Variants in TENM1 observed in about 807,000 individuals in gnomAD.
TENM1 encodes teneurin-1.
In TENM1, 35 loss-of-function variants were observed where a neutral mutation model predicts 174.8. The ratio of observed to expected loss-of-function variants is 0.20; its 90% CI spans 0.15 to 0.27. The LOEUF (loss-of-function observed/expected upper bound fraction) is 0.27, where lower values mean the gene tolerates loss of function less well. Ranked by LOEUF, TENM1 falls within the 10% of genes least tolerant of loss-of-function variation. TENM1 has a pLI of 1.00. For missense variants in TENM1, 1,633 were observed against 2,130.1 expected (o/e 0.77, Z 4.59); for synonymous variants, 781 against 798.7 (o/e 0.98, Z 0.37).
intron 22 of TENM1, among the ~76,000 whole-genome samples, chrX:124,463,367 T>C (rs1414382557): frequency 1.8e-5 from 2 of 112,127 alleles, no homozygotes; most frequent in Non-Finnish European, 3.8e-5. Flanking sequence ...TAAAGTATTA[T>C]GGTGGTGCTA....
the TENM1 span, among the ~76,000 whole-genome samples, chrX:125,191,844 A>C: frequency 8.9e-6 from 1 of 112,023 alleles, no homozygotes; most frequent in East Asian, 2.8e-4. Context: ...CAACCGTATT[A>C]AGAGGCAGGA....
At chrX:124,444,956 T>C (rs1336055601) in intron 23 of TENM1, among the ~76,000 whole-genome samples, 1 of 111,728 alleles carries the variant, frequency 9.0e-6, no homozygotes, top group African/African-American at 3.3e-5. Flanking sequence ...TGGCGTCAGG[T>C]TGACCAGGTT....
chrX:124,450,415 G>A (rs1322286081), intron 23 of TENM1, among the ~76,000 whole-genome samples: 1 of 109,587 alleles, frequency 9.1e-6, no homozygotes, highest in African/African-American at 3.3e-5. Context: ...TTTGGCTGCT[G>A]CCATCCATGT....
At chrX:124,540,934 A>G (rs1342402513) in intron 15 of TENM1, among the ~76,000 whole-genome samples, 3 of 112,136 alleles carry the variant, frequency 2.7e-5, no homozygotes, top group Non-Finnish European at 5.6e-5. Context: ...TTGATTATCT[A>G]ACCCATTGAA....
At chrX:124,567,660 G>T (rs143679040) in intron 11 of TENM1, among the ~76,000 whole-genome samples, 4 of 111,735 alleles carry the variant, frequency 3.6e-5, no homozygotes, top group Non-Finnish European at 5.6e-5. Flanking sequence ...ATAGAAAAAC[G>T]TATCTTAAAA....
intron 25 of TENM1, among the ~76,000 whole-genome samples, chrX:124,415,814 C>A (rs1295704174): frequency 9.0e-6 from 1 of 111,690 alleles, no homozygotes; most frequent in African/African-American, 3.3e-5. Flanking sequence ...GCCTACCACA[C>A]AGTGCCTGCA....
At chrX:124,487,692 C>T (rs911389950) in intron 20 of TENM1, among the ~76,000 whole-genome samples, 3 of 111,388 alleles carry the variant, frequency 2.7e-5, no homozygotes, top group African/African-American at 6.5e-5. Context: ...GAAGCAGCCA[C>T]GGCAGAGGGA....
At chrX:124,922,908 C>T (rs1188509195) in intron 1 of TENM1, among the ~76,000 whole-genome samples, 1 of 111,375 alleles carries the variant, frequency 9.0e-6, no homozygotes, top group Non-Finnish European at 1.9e-5. Flanking sequence ...GAGGATGTTA[C>T]CTGCCAGTTT....
chrX:124,423,612 C>G (rs1462861583), intron 23 of TENM1, among the ~76,000 whole-genome samples: 1 of 110,491 alleles, frequency 9.1e-6, no homozygotes, highest in Non-Finnish European at 1.9e-5. Flanking sequence ...TAAGTAAGGT[C>G]TGAAATGAAC....
chrX:125,203,054 C>G, the TENM1 span, among the ~76,000 whole-genome samples: 41 of 112,221 alleles, frequency 3.7e-4, no homozygotes, highest in East Asian at 2.8e-4. Context: ...GCTCCTGGAG[C>G]ACCGCCTGGG....
intron 18 of TENM1, among the ~76,000 whole-genome samples, chrX:124,508,223 T>G (rs1162034546): frequency 8.9e-6 from 1 of 112,290 alleles, no homozygotes; most frequent in African/African-American, 3.2e-5. Flanking sequence ...TATCGTAGGA[T>G]AGGATGAGCC....
chrX:124,623,944 T>C (rs1004794299), intron 11 of TENM1, among the ~76,000 whole-genome samples: 6 of 111,904 alleles, frequency 5.4e-5, no homozygotes, highest in African/African-American at 1.9e-4. Flanking sequence ...TTCATTGATA[T>C]AACATTTTCC....
intron 3 of TENM1, among the ~76,000 whole-genome samples, chrX:124,762,563 A>G (rs1248957807): frequency 9.0e-6 from 1 of 111,617 alleles, no homozygotes; most frequent in Non-Finnish European, 1.9e-5. Context: ...ATAATAGAAC[A>G]GGTCAGGTCT....
chrX:124,450,805 A>C (rs922475142), intron 23 of TENM1, among the ~76,000 whole-genome samples: 2 of 112,044 alleles, frequency 1.8e-5, no homozygotes, highest in Non-Finnish European at 3.8e-5. Context: ...GTGACTGGTG[A>C]AGGCATGGGC....
At chrX:124,964,027 A>G (rs2058694189), upstream of TENM1, among the ~76,000 whole-genome samples, 1 of 112,210 alleles carries the variant, frequency 8.9e-6, no homozygotes, top group Non-Finnish European at 1.9e-5. Flanking sequence ...TGGAGGTTGC[A>G]GCATCAGAAA....
chrX:124,439,434 T>C (rs935486851), intron 23 of TENM1, among the ~76,000 whole-genome samples: 4 of 111,851 alleles, frequency 3.6e-5, no homozygotes, highest in African/African-American at 1.3e-4. Context: ...TATGTGAAAG[T>C]AGAAAGAAGA....
At chrX:124,411,363 G>A (rs985948234) in intron 25 of TENM1, among the ~76,000 whole-genome samples, 46 of 110,912 alleles carry the variant, frequency 4.1e-4, no homozygotes, top group African/African-American at 1.3e-3. Flanking sequence ...GTGCACGCAC[G>A]TGTGTGTGTG....
chrX:124,814,102 T>C (rs1186747166), intron 3 of TENM1, among the ~76,000 whole-genome samples: 1 of 111,224 alleles, frequency 9.0e-6, no homozygotes, highest in South Asian at 3.8e-4. Context: ...TGGGAGGCAG[T>C]TGTAGTGCAG....
the TENM1 span, among the ~76,000 whole-genome samples, chrX:125,024,392 C>G: frequency 1.5e-4 from 17 of 110,278 alleles, no homozygotes; most frequent in African/African-American, 5.6e-4. Context: ...ACACCACACA[C>G]ACACACACAC....
Sources: allele counts gnomAD v4.1 joint callset (sites outside exome capture counted in the v4.1 genomes callset), GRCh38; gene constraint gnomAD v4.1.1; transcripts MANE v1.5; gene names NCBI Gene and HGNC (gene_info 2026-07-23, HGNC 2026-07-21).